The following CST7 variants were observed in gnomAD, a reference collection of about 807,000 sequenced individuals.
The protein encoded by CST7 is cystatin-F.
A neutral mutation model predicts 13.1 loss-of-function variants in CST7; 15 were observed. That is an observed-to-expected ratio of 1.14 (90% confidence interval 0.77 to 1.76). The LOEUF is 1.76. Ranked by LOEUF, CST7 falls within the 40% of genes most tolerant of loss-of-function variation. The pLI, the probability that CST7 is intolerant of heterozygous loss-of-function variation, is 0.00. For missense variants in CST7, 193 were observed against 178.8 expected (o/e 1.08, Z -0.45); for synonymous variants, 75 against 66.9 (o/e 1.12, Z -0.59).
chr20:24,956,529 C>G (rs895646978), intron 1 of CST7, among the ~76,000 whole-genome samples: 3 of 152,038 alleles, frequency 2.0e-5, no homozygotes, highest in African/African-American at 7.3e-5. Context: ...TATAGCCCTC[C>G]TTGGTACAGG....
At chr20:24,957,849 G>A (rs940992828) in intron 2 of CST7, among the ~76,000 whole-genome samples, 1 of 152,130 alleles carries the variant, frequency 6.6e-6, no homozygotes, top group Admixed American at 6.5e-5. Context: ...CACCCCTCAC[G>A]TGCCCTGCAG....
Position 24,949,466 on chromosome 20 carries a change from C to A in CST7, c.-40C>A. On this transcript the variant is annotated 5_prime_UTR_variant, in exon 1 of 4. Transcript: ENST00000480798. ...TGCTGCCTGAGAAGGCACTGCACGGCCACCCCCAACTGCCCCGCACTGTCC... is the reference window on the plus strand; with the variant it reads ...TGCTGCCTGAGAAGGCACTGCACGGACACCCCCAACTGCCCCGCACTGTCC... The A allele has an allele frequency of 6.2e-7, 1 of 1,613,864 alleles. No individual in the cohort carries two copies. Among genetic ancestry groups the A allele is most frequent in the Non-Finnish European group, 8.5e-7 (1 of 1,179,922 alleles).
At position 24,949,329 on chromosome 20, in the gene CST7, C is replaced by T. The variant is rs570315419; in HGVS notation, c.-177C>T. Reference sequence around the variant, plus strand: ...CACAAACCATTGCCCGGCACTGGCCCGTGCTGCCTGAGAAGGATTGGCACG... The same window carrying T: ...CACAAACCATTGCCCGGCACTGGCCTGTGCTGCCTGAGAAGGATTGGCACG... On this transcript the variant is annotated 5_prime_UTR_variant, in exon 1 of 4. Coordinates refer to ENST00000480798, the MANE Select transcript of CST7 (RefSeq NM_003650.4). The T allele has an allele frequency of 7.2e-6, 11 of 1,524,068 alleles. No homozygotes were observed. The highest frequency in any genetic ancestry group is 2.3e-5 in the East Asian group (1 of 43,894). The allele number at this position is 1,524,068 out of a possible 1,614,324, so 94.4% of individuals were successfully genotyped here.
rs2122460334 is a variant in CST7, at chr20:24,959,004, T to C, written c.320T>C (p.Leu107Pro). 1 of 1,614,040 alleles carries C rather than the reference T, an allele frequency of 6.2e-7. No homozygotes were observed. Among genetic ancestry groups the C allele is most frequent in the East Asian group, 2.2e-5 (1 of 44,884 alleles). The change falls in exon 3 of 4, where the codon CTG becomes CCG. Residue 107 changes from leucine (L) to proline (P), a missense_variant. By Grantham distance (98) the Leu-to-Pro change is moderately conservative (BLOSUM62 -3). Coordinates refer to ENST00000480798, the MANE Select transcript of CST7 (RefSeq NM_003650.4). Reference sequence around the variant, plus strand: ...TGCAAGAAAAACCAGCACCTGCGTCTGGATGACTGTGACTTCCAAACCAAC... The same window carrying C: ...TGCAAGAAAAACCAGCACCTGCGTCCGGATGACTGTGACTTCCAAACCAAC... ...TTCKKNQHLR[L>P]DDCDFQTNHT...
At chr20:24,954,773 T>G (rs569034859) in intron 1 of CST7, among the ~76,000 whole-genome samples, 1 of 152,218 alleles carries the variant, frequency 6.6e-6, no homozygotes, top group African/African-American at 2.4e-5. Flanking sequence ...GGAAATTTAT[T>G]TGAAGTTCAG....
At chr20:24,949,671 G>T in intron 1 of CST7, 96 bp downstream of exon 1, 1 of 1,504,584 alleles carries the variant, frequency 6.6e-7, no homozygotes, top group South Asian at 1.2e-5. Flanking sequence ...TCCTAGCTTG[G>T]AGCCCCCACA....
intron 1 of CST7, among the ~76,000 whole-genome samples, chr20:24,952,123 C>T (rs1044703999): frequency 6.6e-5 from 10 of 152,352 alleles, no homozygotes; most frequent in Non-Finnish European, 1.5e-4. Flanking sequence ...TTCATTTGCC[C>T]TGAGACCCCT....
chr20:24,954,150 C>A (rs374101454), intron 1 of CST7, among the ~76,000 whole-genome samples: 7 of 152,340 alleles, frequency 4.6e-5, no homozygotes, highest in African/African-American at 1.7e-4. Context: ...ACCTGCCAAA[C>A]AGTCCGTCTT....
Position 24,959,698 on chromosome 20 carries a change from C to G in CST7, c.424C>G (p.Leu142Val). The G allele has an allele frequency of 1.2e-6, 2 of 1,614,028 alleles. No individual in the cohort carries two copies. The highest frequency in any genetic ancestry group is 8.5e-7 in the Non-Finnish European group (1 of 1,180,000). Residue 142 changes from leucine to valine, a missense_variant, in exon 4 of 4, where the codon CTC (leucine) becomes GTC (valine). By Grantham distance (32) the Leu-to-Val change is conservative. Coordinates refer to ENST00000480798, the MANE Select transcript of CST7 (RefSeq NM_003650.4). ...PWLQHFEVPVLRCH is the reference protein window; with the variant it reads ...PWLQHFEVPVVRCH ...GCTCCAGCACTTCGAGGTGCCTGTT[C>G]TCCGTTGTCACTGACCCCCGCCTCT...
At position 24,957,459 on chromosome 20, in the gene CST7, G is replaced by T. The variant is rs920389857; in HGVS notation, c.243G>T (p.Gln81His). ...KESRITRALV[Q>H]IVKGLKYMLE... ...CCCGCATCACAAGGGCCCTAGTTCA[G>T]GTAACGGTCTGGGTTCTGGTCACAT... Residue 81 changes from glutamine (Q) to histidine (H), a missense_variant and splice_region_variant, in exon 2 of 4, where the codon CAG becomes CAT. Transcript: ENST00000480798. 1.2e-6 allele frequency: 2 copies of T among 1,613,036 alleles called. No individual in the cohort carries two copies. Among genetic ancestry groups the T allele is most frequent in the African/African-American group, 2.7e-5 (2 of 74,824 alleles).
At position 24,949,319 on chromosome 20, in the gene CST7, G is replaced by C; in HGVS notation, c.-187G>C. 1 of 1,500,624 alleles carries C rather than the reference G, an allele frequency of 6.7e-7. No homozygotes were observed. The highest frequency in any genetic ancestry group is 8.9e-7 in the Non-Finnish European group (1 of 1,119,030). 93.0% of individuals were successfully genotyped at this position (1,500,624 alleles called of 1,614,324 possible). A position where few individuals can be genotyped will look rare whatever the true frequency, so the allele number is the denominator to read the frequency against. Reference sequence around the variant, plus strand: ...TCAGCACAGGCACAAACCATTGCCCGGCACTGGCCCGTGCTGCCTGAGAAG... The same window carrying C: ...TCAGCACAGGCACAAACCATTGCCCCGCACTGGCCCGTGCTGCCTGAGAAG... On this transcript the variant is annotated 5_prime_UTR_variant, in exon 1 of 4. Transcript: ENST00000480798.
chr20:24,956,127 C>T (rs2087852454), intron 1 of CST7, among the ~76,000 whole-genome samples: 1 of 152,192 alleles, frequency 6.6e-6, no homozygotes, highest in Admixed American at 6.5e-5. Flanking sequence ...CTGCCCACTC[C>T]CGGCGCTGCA....
intron 1 of CST7, among the ~76,000 whole-genome samples, chr20:24,950,843 A>G (rs1600958606): frequency 6.6e-6 from 1 of 152,154 alleles, no homozygotes; most frequent in East Asian, 1.9e-4. Flanking sequence ...TCCAAGGTCC[A>G]AGGGGGAAGC....
rs185072411 is a variant in CST7, at chr20:24,952,729, G to A, written c.70+3154G>A. Among the ~76,000 whole-genome samples the A allele has an allele frequency of 2.1e-4, 32 of 152,322 alleles. No individual in the cohort carries two copies. The East Asian group carries it at 6.2e-3, about 29-fold the overall frequency. ...GCCCATGGAAAGGGCACCCCCTGAG[G>A]TGACACAGGGAGGGACACCAGCAGG... On this transcript the variant is annotated intron_variant, in intron 1 of 3. Transcript: ENST00000480798.
chr20:24,949,477 T>C lies in CST7; in HGVS notation c.-29T>C, dbSNP rs1157581997. 1 of 1,613,876 alleles carries C rather than the reference T, an allele frequency of 6.2e-7. No individual in the cohort carries two copies. ...AAGGCACTGCACGGCCACCCCCAACTGCCCCGCACTGTCCCTACCCGGGCA... is the reference window on the plus strand; with the variant it reads ...AAGGCACTGCACGGCCACCCCCAACCGCCCCGCACTGTCCCTACCCGGGCA... On this transcript the variant is annotated 5_prime_UTR_variant, in exon 1 of 4. Transcript: ENST00000480798.
At chr20:24,957,516 ACAACGCG>A in intron 2 of CST7, 57 bp downstream of exon 2, 1 of 1,523,482 alleles carries the variant, frequency 6.6e-7, no homozygotes, top group Non-Finnish European at 9.0e-7. Flanking sequence ...CCGAGCTGCT[ACAACGCG>A]ACACCTAGGA....
intron 3 of CST7, among the ~76,000 whole-genome samples, chr20:24,959,293 T>C (rs1294805969): frequency 6.6e-6 from 1 of 152,074 alleles, no homozygotes; most frequent in Non-Finnish European, 1.5e-5. Context: ...AAGAGCGTCC[T>C]GGGGTGCGAG....
At chr20:24,952,501 C>A (rs2087826336) in intron 1 of CST7, among the ~76,000 whole-genome samples, 2 of 152,202 alleles carry the variant, frequency 1.3e-5, no homozygotes, top group Non-Finnish European at 2.9e-5. Context: ...AGGACCCAGG[C>A]TCTCTGAATT....
At chr20:24,954,286 C>T (rs2122449260) in intron 1 of CST7, among the ~76,000 whole-genome samples, 1 of 152,332 alleles carries the variant, frequency 6.6e-6, no homozygotes, top group Middle Eastern at 3.4e-3. Flanking sequence ...AACAGCATCG[C>T]AGGGCCCTCC....
Sources: gnomAD v4.1 joint callset for allele counts (sites outside exome capture counted in the v4.1 genomes callset) on GRCh38, gnomAD v4.1.1 for gene constraint, MANE v1.5 for transcripts, NCBI Gene and HGNC (gene_info 2026-07-23, HGNC 2026-07-21) for gene names.